The following HKDC1 variants were observed in gnomAD, a reference collection of about 807,000 sequenced individuals.
HKDC1 encodes the protein hexokinase domain containing 1.
Under a neutral mutation model 96.6 loss-of-function variants are expected in HKDC1, and 66 were observed. The ratio of observed to expected loss-of-function variants is 0.68; its 90% CI spans 0.56 to 0.84. The LOEUF (loss-of-function observed/expected upper bound fraction) is 0.84, where lower values mean the gene tolerates loss of function less well. Among genes scored for constraint, HKDC1 ranks in the 40% least tolerant of loss-of-function variants. The probability of loss-of-function intolerance (pLI) is 0.00; values close to 1 mark genes in which losing one functional copy is unlikely to be tolerated. For synonymous variants in HKDC1, 466 were observed against 473.1 expected, an observed-to-expected ratio of 0.98 and a Z score of 0.20; for missense variants, 1,211 against 1,208.1, an observed-to-expected ratio of 1.00 and a Z score of -0.04.
At chr10:69,232,669 T>A (rs1843285239) in intron 2 of HKDC1, 95 bp from the exon 3 acceptor site, 2 of 1,151,786 alleles carry the variant, frequency 1.7e-6, no homozygotes, top group Admixed American at 3.8e-5. Context: ...GGCTGTGATT[T>A]GAAGACGTTG....
chr10:69,247,716 G>C, intron 9 of HKDC1, 123 bp downstream of exon 9: 1 of 731,254 alleles, frequency 1.4e-6, no homozygotes. Flanking sequence ...TTGGTTCTGA[G>C]ATTACAAGGG....
intron 16 of HKDC1, 98 bp downstream of exon 16, chr10:69,261,392 G>A (rs1843808318): frequency 8.5e-7 from 1 of 1,174,756 alleles, no homozygotes. Flanking sequence ...AAAACAGAAA[G>A]GCCCTGGCTG....
At position 69,233,289 on chromosome 10, in the gene HKDC1, A is replaced by C. The variant is rs143115273; in HGVS notation, c.495+156A>C. ...ATGATGAGGTGGCAGCGTGAGGCAGAGAACTTGTTAACGCAATGGCCTTGA... is the reference window on the plus strand; with the variant it reads ...ATGATGAGGTGGCAGCGTGAGGCAGCGAACTTGTTAACGCAATGGCCTTGA... On this transcript the variant is annotated intron_variant, in intron 4 of 17. Transcript: ENST00000354624. Among the ~76,000 whole-genome samples, 711 of 152,296 alleles carry C rather than the reference A, an allele frequency of 4.7e-3. 2 individuals are homozygous for C. Among genetic ancestry groups the C allele is most frequent in the Non-Finnish European group, 8.2e-3 (557 of 68,034 alleles).
intron 2 of HKDC1, among the ~76,000 whole-genome samples, chr10:69,228,732 G>A (rs542755406): frequency 6.6e-6 from 1 of 152,222 alleles, no homozygotes; most frequent in East Asian, 1.9e-4. Flanking sequence ...CAGGTGTGAT[G>A]GCATGCACCT....
rs1169258508 is a variant in HKDC1 at position 69,240,751 on chromosome 10, G to A, written c.691G>A (p.Gly231Arg). 4.3e-6 allele frequency: 7 copies of A among 1,612,112 alleles called. No individual in the cohort carries two copies. Among genetic ancestry groups the A allele is most frequent in the African/African-American group, 4.0e-5 (3 of 74,880 alleles). Residue 231 changes from glycine (G) to arginine (R), a missense_variant and splice_region_variant, in exon 6 of 18, where the codon GGA becomes AGA. Physicochemically the swap from Gly to Arg is moderately radical, Grantham distance 125. Transcript: ENST00000354624. ...DPYCEVGVII[G>R]TGTNACYMED... is the part of the protein sequence containing the mutation. ...CTACTGCGAAGTTGGTGTCATCATC[G>A]GTAACTCAATTGGACTGGTTTTTTG...
At position 69,257,317 on chromosome 10, in the gene HKDC1, T is replaced by G; in HGVS notation, c.1933-10T>G. The G allele has an allele frequency of 6.2e-7, 1 of 1,611,226 alleles. No individual in the cohort carries two copies. The highest frequency in any genetic ancestry group is 8.5e-7 in the Non-Finnish European group (1 of 1,177,386). ...AGCTGGGTTTTTTTTGTTTTTGTTT[T>G]TGTTTTTAGGAGTTTGACCTGGACA... On this transcript the variant is annotated splice_polypyrimidine_tract_variant and intron_variant, in intron 13 of 17. Transcript: ENST00000354624.
chr10:69,240,538 A>G (rs1843439025), intron 5 of HKDC1, 114 bp from the exon 6 acceptor site: 3 of 764,742 alleles, frequency 3.9e-6, no homozygotes, highest in Non-Finnish European at 4.4e-6. Context: ...CCCAGCAGGC[A>G]GGATCTAGGG....
chr10:69,252,973 CGTG>C (rs1228141984), intron 12 of HKDC1, among the ~76,000 whole-genome samples: 5 of 140,180 alleles, frequency 3.6e-5, no homozygotes, highest in Non-Finnish European at 7.8e-5. Flanking sequence ...CATCTCTAAA[CGTG>C]TGTGTGTGTG....
At chr10:69,245,876 T>C (rs936458564) in intron 7 of HKDC1, among the ~76,000 whole-genome samples, 10 of 152,174 alleles carry the variant, frequency 6.6e-5, no homozygotes, top group Admixed American at 2.0e-4. Flanking sequence ...TGAGAGTCCC[T>C]ATGCTCGATG....
At chr10:69,265,305 T>G in intron 16 of HKDC1, 1 of 398,246 alleles carries the variant, frequency 2.5e-6, no homozygotes, top group Non-Finnish European at 4.5e-6. Context: ...GGTGTGTTGG[T>G]TGCTGCAGCT....
At chr10:69,224,353 G>A (rs1265926563) in intron 1 of HKDC1, among the ~76,000 whole-genome samples, 1 of 151,924 alleles carries the variant, frequency 6.6e-6, no homozygotes, top group Non-Finnish European at 1.5e-5. Flanking sequence ...GCGCGATCTC[G>A]GCTCACTGCC....
intron 2 of HKDC1, among the ~76,000 whole-genome samples, chr10:69,229,866 T>C (rs1335181680): frequency 6.6e-6 from 1 of 152,178 alleles, no homozygotes; most frequent in African/African-American, 2.4e-5. Context: ...CCCGGCACCA[T>C]ACATGATTGT....
At chr10:69,233,984 T>A (rs921260505) in intron 4 of HKDC1, among the ~76,000 whole-genome samples, 1 of 151,742 alleles carries the variant, frequency 6.6e-6, no homozygotes, top group Non-Finnish European at 1.5e-5. Context: ...CTGAACTGTG[T>A]CACCAGCTAG....
chr10:69,242,801 A>G (rs935619257), intron 6 of HKDC1, among the ~76,000 whole-genome samples: 7 of 152,242 alleles, frequency 4.6e-5, no homozygotes, highest in Non-Finnish European at 1.0e-4. Context: ...GAGGAAGCTA[A>G]GTAGCTTAAG....
At chr10:69,241,238 A>G (rs1454569727) in intron 6 of HKDC1, among the ~76,000 whole-genome samples, 2 of 152,134 alleles carry the variant, frequency 1.3e-5, no homozygotes, top group African/African-American at 4.8e-5. Context: ...GAGGACACCT[A>G]CAGGCTTGGA....
chr10:69,227,442 G>C, intron 2 of HKDC1, 73 bp downstream of exon 2: 1 of 1,547,208 alleles, frequency 6.5e-7, no homozygotes, highest in South Asian at 1.2e-5. Context: ...CCTAAGGTTT[G>C]CCCCTGTACC....
Position 69,250,361 on chromosome 10 carries a change from G to A in HKDC1, c.1642G>A (p.Gly548Arg). Residue 548 changes from glycine to arginine, a missense_variant, in exon 11 of 18, where the codon GGA (glycine) becomes AGA (arginine). Gly to Arg is a moderately radical substitution (Grantham distance 125, BLOSUM62 -2). Transcript: ENST00000354624. The part of the protein sequence containing the change: ...FRVLLVKIRS[G>R]RRSVRMYNKI... ...GGTCCTCCTGGTGAAGATCAGAAGTGGACGGAGGTCAGTGCGAATGTACAA... is the reference window on the plus strand; with the variant it reads ...GGTCCTCCTGGTGAAGATCAGAAGTAGACGGAGGTCAGTGCGAATGTACAA... 1 of 1,614,206 alleles carries A rather than the reference G, an allele frequency of 6.2e-7. No individual in the cohort carries two copies. Among genetic ancestry groups the A allele is most frequent in the Non-Finnish European group, 8.5e-7 (1 of 1,180,020 alleles).
intron 12 of HKDC1, among the ~76,000 whole-genome samples, chr10:69,254,210 C>G (rs970472138): frequency 1.3e-5 from 2 of 152,092 alleles, no homozygotes; most frequent in African/African-American, 4.8e-5. Flanking sequence ...GTGGCTGAGG[C>G]AGGAGAATCG....
At chr10:69,259,026 G>T (rs1237477939) in intron 15 of HKDC1, 67 bp downstream of exon 15, 1 of 1,274,162 alleles carries the variant, frequency 7.8e-7, no homozygotes. Context: ...ACCTAAGGGG[G>T]TACCATAGAC....
Sources: allele counts gnomAD v4.1 joint callset (sites outside exome capture counted in the v4.1 genomes callset), GRCh38; gene constraint gnomAD v4.1.1; transcripts MANE v1.5; gene names NCBI Gene and HGNC (gene_info 2026-07-23, HGNC 2026-07-21).